The following FBXO32 variants were observed in gnomAD, a reference collection of about 807,000 sequenced individuals.
The protein encoded by FBXO32 is F-box only protein 32.
In FBXO32, 15 loss-of-function variants were observed where a neutral mutation model predicts 48.3. That is an observed-to-expected ratio of 0.31 (90% CI 0.21 to 0.48). The LOEUF (loss-of-function observed/expected upper bound fraction) is 0.48, where lower values mean the gene tolerates loss of function less well. Among genes scored for constraint, FBXO32 ranks in the 20% least tolerant of loss-of-function variants. FBXO32 has a pLI of 0.99. For synonymous variants in FBXO32, 154 were observed against 165.9 expected, an observed-to-expected ratio of 0.93 and a Z score of 0.55; for missense variants, 309 against 432.7, an observed-to-expected ratio of 0.71 and a Z score of 2.54.
At chr8:123,532,458 G>T (rs1817229806) in intron 3 of FBXO32, among the ~76,000 whole-genome samples, 2 of 152,158 alleles carry the variant, frequency 1.3e-5, no homozygotes, top group Admixed American at 1.3e-4. Context: ...ATCATCAGAA[G>T]TGTTTATAAG....
rs1433989322 is a variant in FBXO32 at position 123,541,035 on chromosome 8, C to G, written c.-21G>C. 9 of 1,543,450 alleles carry G rather than the reference C, an allele frequency of 5.8e-6. No individual in the cohort carries two copies. Among genetic ancestry groups the G allele is most frequent in the Non-Finnish European group, 8.0e-6 (9 of 1,130,362 alleles). On this transcript the variant is annotated 5_prime_UTR_variant, in exon 1 of 9. Transcript: ENST00000517956. ...GGCATGGCACCGCGAGCGGACTAGA[C>G]GGATGGGGAGACGGGGCCGGCCTGG...
chr8:123,499,627 G>A lies in FBXO32; in HGVS notation c.*3746C>T, dbSNP rs971296030. ...AGCCTGGCAGAAAAACATAAACTCA[G>A]GTGTATATTTTATAATAAACATTGT... On this transcript the variant is annotated 3_prime_UTR_variant, in exon 9 of 9. Transcript: ENST00000517956. The A allele has an allele frequency of 4.6e-5, 7 of 152,126 alleles. No individual in the cohort carries two copies. Among genetic ancestry groups the A allele is most frequent in the Non-Finnish European group, 8.8e-5 (6 of 68,026 alleles). The allele number at this position is 152,126 out of a possible 1,614,324, so 9.4% of individuals were successfully genotyped here. A position where few individuals can be genotyped will look rare whatever the true frequency, so the allele number is the denominator to read the frequency against.
intron 4 of FBXO32, among the ~76,000 whole-genome samples, chr8:123,522,205 CTTTTTTT>C (rs138504281): frequency 3.5e-5 from 4 of 115,286 alleles, no homozygotes; most frequent in South Asian, 5.5e-4. Context: ...ATCCTGGTTA[CTTTTTTT>C]TTTTTTTTTT....
At chr8:123,538,537 T>C (rs774835623) in intron 1 of FBXO32, among the ~76,000 whole-genome samples, 4 of 151,320 alleles carry the variant, frequency 2.6e-5, no homozygotes, top group Non-Finnish European at 5.9e-5. Flanking sequence ...CCAAAAACAG[T>C]GAGGATATTT....
rs1816535500 is a variant in FBXO32 at position 123,503,253 on chromosome 8, C to G, written c.*120G>C. 1.3e-6 allele frequency: 1 copy of G among 752,006 alleles called. No individual in the cohort carries two copies. Among genetic ancestry groups the G allele is most frequent in the Non-Finnish European group, 2.2e-6 (1 of 461,082 alleles). The allele number at this position is 752,006 out of a possible 1,614,324, so 46.6% of individuals were successfully genotyped here. A position where few individuals can be genotyped will look rare whatever the true frequency, so the allele number is the denominator to read the frequency against. On this transcript the variant is annotated 3_prime_UTR_variant, in exon 9 of 9. Transcript: ENST00000517956. Reference sequence around the variant, plus strand: ...CCAATGTCCTCTCCATGACTTATCTCTGAAGTTTCGAGCCAATGTTTAAAA... The same window carrying G: ...CCAATGTCCTCTCCATGACTTATCTGTGAAGTTTCGAGCCAATGTTTAAAA...
rs1258036228 is a variant in FBXO32 at position 123,502,237 on chromosome 8, T to C, written c.*1136A>G. The C allele has an allele frequency of 6.6e-6, 1 of 152,218 alleles. No homozygotes were observed. The highest frequency in any genetic ancestry group is 1.9e-4 in the East Asian group (1 of 5,198). The allele number at this position is 152,218 out of a possible 1,614,324, so 9.4% of individuals were successfully genotyped here. A position where few individuals can be genotyped will look rare whatever the true frequency, so the allele number is the denominator to read the frequency against. Reference sequence around the variant, plus strand: ...TCCCCTTGGCAAGGGGTACAGCAACTGGTAAGATGTTTAATTGGCTGATTG... The same window carrying C: ...TCCCCTTGGCAAGGGGTACAGCAACCGGTAAGATGTTTAATTGGCTGATTG... On this transcript the variant is annotated 3_prime_UTR_variant, in exon 9 of 9. Coordinates refer to ENST00000517956, the MANE Select transcript of FBXO32 (RefSeq NM_058229.4).
intron 4 of FBXO32, among the ~76,000 whole-genome samples, chr8:123,531,438 T>A (rs1817206619): frequency 6.6e-6 from 1 of 152,188 alleles, no homozygotes; most frequent in South Asian, 2.1e-4. Flanking sequence ...CAGAGTCAGC[T>A]GAAGTAGGAC....
At chr8:123,505,200 A>G (rs1033816200) in intron 7 of FBXO32, among the ~76,000 whole-genome samples, 1 of 152,222 alleles carries the variant, frequency 6.6e-6, no homozygotes, top group Non-Finnish European at 1.5e-5. Context: ...CATCCATATA[A>G]AGAAACTGGA....
Position 123,501,391 on chromosome 8 carries a change from A to C in FBXO32, c.*1982T>G, listed in dbSNP as rs1327990624. Reference sequence around the variant, plus strand: ...AAAAAAAACAAAAAAAAACAAAACAAAACACACACCTTAGATAGAATAATG... The same window carrying C: ...AAAAAAAACAAAAAAAAACAAAACACAACACACACCTTAGATAGAATAATG... On this transcript the variant is annotated 3_prime_UTR_variant, in exon 9 of 9. Coordinates refer to ENST00000517956, the MANE Select transcript of FBXO32 (RefSeq NM_058229.4). 2.6e-5 allele frequency: 4 copies of C among 152,118 alleles called. No individual in the cohort carries two copies. The highest frequency in any genetic ancestry group is 9.7e-5 in the African/African-American group (4 of 41,424). 9.4% of individuals were successfully genotyped at this position (152,118 alleles called of 1,614,324 possible). A position where few individuals can be genotyped will look rare whatever the true frequency, so the allele number is the denominator to read the frequency against.
intron 4 of FBXO32, among the ~76,000 whole-genome samples, chr8:123,528,821 GC>G (rs1817142462): frequency 6.6e-6 from 1 of 152,124 alleles, no homozygotes; most frequent in African/African-American, 2.4e-5. Context: ...GGCTCTCAAG[GC>G]TTTGAATGTT....
intron 4 of FBXO32, among the ~76,000 whole-genome samples, chr8:123,517,797 A>T (rs1816870026): frequency 6.6e-6 from 1 of 152,230 alleles, no homozygotes; most frequent in Admixed American, 6.5e-5. Context: ...AGAATTAAGT[A>T]AGATAAATAT....
Position 123,534,751 on chromosome 8 carries a change from T to G in FBXO32, c.180A>C (p.Ala60=), listed in dbSNP as rs138551473. The G allele has an allele frequency of 6.2e-7, 1 of 1,613,986 alleles. No homozygotes were observed. Among genetic ancestry groups the G allele is most frequent in the African/African-American group, 1.3e-5 (1 of 75,062 alleles). Residue 60 remains alanine, a synonymous_variant, in exon 2 of 9, where the codon GCA becomes GCC. Coordinates refer to ENST00000517956, the MANE Select transcript of FBXO32 (RefSeq NM_058229.4). ...NLFNSLNYDV[A]AKKRKKDMLN... ...GCATGTCCTTCTTTCTCTTCTTGGC[T>G]GCAACATCATAGTTCAGGCTGTTGA...
chr8:123,510,888 C>T (rs925056628), intron 6 of FBXO32, among the ~76,000 whole-genome samples: 1 of 152,188 alleles, frequency 6.6e-6, no homozygotes, highest in Non-Finnish European at 1.5e-5. Context: ...CAGATCATAG[C>T]TGCTCGGAAG....
At chr8:123,531,665 A>G (rs1431212738) in intron 4 of FBXO32, among the ~76,000 whole-genome samples, 1 of 152,192 alleles carries the variant, frequency 6.6e-6, no homozygotes, top group Non-Finnish European at 1.5e-5. Context: ...TCACTGGGGT[A>G]TTATGGCGGC....
intron 3 of FBXO32, chr8:123,532,246 G>A (rs1817225533): frequency 2.6e-6 from 3 of 1,174,506 alleles, no homozygotes; most frequent in South Asian, 2.2e-5. Flanking sequence ...TACCATTTGG[G>A]ACCTTGCTTA....
chr8:123,533,077 C>A (rs761270433), intron 3 of FBXO32, 114 bp downstream of exon 3: 3 of 738,918 alleles, frequency 4.1e-6, no homozygotes, highest in Non-Finnish European at 4.6e-6. Context: ...CCATCTCCCA[C>A]ATCCAAGAAG....
In FBXO32 at chr8:123,531,918, T is replaced by G; in HGVS notation, c.352A>C (p.Arg118=). ...DFSTAILDSR[R]FNYVVRLLEL... ...CTTACCCGGACCACGTAGTTAAATCTTCTGGAATCCAGAATGGCAGTTGAG... is the reference window on the plus strand; with the variant it reads ...CTTACCCGGACCACGTAGTTAAATCGTCTGGAATCCAGAATGGCAGTTGAG... Residue 118 remains arginine (R), a synonymous_variant, in exon 4 of 9, where the codon AGA becomes CGA. Coordinates refer to ENST00000517956, the MANE Select transcript of FBXO32 (RefSeq NM_058229.4). 6.2e-7 allele frequency: 1 copy of G among 1,614,186 alleles called. No homozygotes were observed. The highest frequency in any genetic ancestry group is 8.5e-7 in the Non-Finnish European group (1 of 1,180,024).
chr8:123,508,339 G>T (rs928921097), intron 6 of FBXO32, among the ~76,000 whole-genome samples: 2 of 152,176 alleles, frequency 1.3e-5, no homozygotes, highest in Non-Finnish European at 2.9e-5. Context: ...TAGGCACGAG[G>T]TGGGGAGGGA....
chr8:123,528,845 G>A (rs1160146236), intron 4 of FBXO32, among the ~76,000 whole-genome samples: 1 of 151,716 alleles, frequency 6.6e-6, no homozygotes, highest in Non-Finnish European at 1.5e-5. Flanking sequence ...TTTTGTTTTT[G>A]TTTTTTTCCC....
Sources: gnomAD v4.1 joint callset for allele counts (sites outside exome capture counted in the v4.1 genomes callset) on GRCh38, gnomAD v4.1.1 for gene constraint, MANE v1.5 for transcripts, NCBI Gene and HGNC (gene_info 2026-07-23, HGNC 2026-07-21) for gene names.